Variants in SHTN1 observed in about 807,000 individuals in gnomAD.
The protein encoded by SHTN1 is shootin-1.
In SHTN1, 42 loss-of-function variants were observed where a neutral mutation model predicts 83.1. The ratio of observed to expected loss-of-function variants is 0.51; its 90% CI spans 0.39 to 0.65. SHTN1 has a LOEUF of 0.65. SHTN1 is among the 30% of genes least tolerant of loss of function. The probability of loss-of-function intolerance (pLI) is 0.00; values close to 1 mark genes in which losing one functional copy is unlikely to be tolerated. For missense variants in SHTN1, 622 were observed against 737.8 expected, an observed-to-expected ratio of 0.84 and a Z score of 1.82; for synonymous variants, 224 against 247.7, an observed-to-expected ratio of 0.90 and a Z score of 0.90.
At chr10:117,008,661 G>A (rs1852056493), upstream of SHTN1, among the ~76,000 whole-genome samples, 1 of 152,154 alleles carries the variant, frequency 6.6e-6, no homozygotes, top group African/African-American at 2.4e-5. Context: ...GAGGGAGAAA[G>A]TTGATTGGTG....
At chr10:116,969,363 C>G (rs150547152) in intron 2 of SHTN1, among the ~76,000 whole-genome samples, 1 of 152,056 alleles carries the variant, frequency 6.6e-6, no homozygotes, top group Non-Finnish European at 1.5e-5. Flanking sequence ...ATTGCTTCAA[C>G]CTGGGAGGTG....
At chr10:117,031,056 C>T (rs1852407742) in intron 2 of SHTN1, among the ~76,000 whole-genome samples, 1 of 151,990 alleles carries the variant, frequency 6.6e-6, no homozygotes, top group Non-Finnish European at 1.5e-5. Context: ...TACCTCAAGG[C>T]ATTTAATAAT....
chr10:117,119,998 C>T (rs1316710745), intron 1 of SHTN1, among the ~76,000 whole-genome samples: 3 of 151,950 alleles, frequency 2.0e-5, no homozygotes, highest in Non-Finnish European at 4.4e-5. Context: ...ACTCATGGAG[C>T]TAGAGAGTAG....
At chr10:116,957,062 T>G (rs1850009076) in intron 4 of SHTN1, among the ~76,000 whole-genome samples, 4 of 152,000 alleles carry the variant, frequency 2.6e-5, no homozygotes, top group Admixed American at 2.6e-4. Context: ...GCACTGGGAT[T>G]ACAGGAGTGA....
At chr10:116,931,688 G>A (rs1848974367) in intron 9 of SHTN1, among the ~76,000 whole-genome samples, 1 of 152,108 alleles carries the variant, frequency 6.6e-6, no homozygotes, top group Non-Finnish European at 1.5e-5. Flanking sequence ...ATACTGACAT[G>A]AGAAGATATA....
At chr10:116,944,533 GTAAGTTCT>G (rs1175892745) in intron 8 of SHTN1, among the ~76,000 whole-genome samples, 1 of 152,078 alleles carries the variant, frequency 6.6e-6, no homozygotes, top group African/African-American at 2.4e-5. Flanking sequence ...ATTCAAACTG[GTAAGTTCT>G]TATTCAACCT....
intron 2 of SHTN1, among the ~76,000 whole-genome samples, chr10:117,027,205 G>A (rs1213943045): frequency 6.6e-6 from 1 of 152,176 alleles, no homozygotes; most frequent in Non-Finnish European, 1.5e-5. Context: ...GGGGGGCCTG[G>A]TTGGAGGTGA....
At chr10:116,895,024 G>A (rs545152623) in intron 16 of SHTN1, among the ~76,000 whole-genome samples, 2 of 152,104 alleles carry the variant, frequency 1.3e-5, no homozygotes, top group Non-Finnish European at 2.9e-5. Context: ...AAACTCAAAG[G>A]TGTTAACCAG....
At chr10:116,945,402 T>A (rs751113182) in intron 7 of SHTN1, among the ~76,000 whole-genome samples, 9 of 152,224 alleles carry the variant, frequency 5.9e-5, no homozygotes, top group Non-Finnish European at 1.0e-4. Context: ...ATCAAAATTA[T>A]ATTGTAGAAG....
intron 1 of SHTN1, among the ~76,000 whole-genome samples, chr10:117,002,527 G>A (rs887006903): frequency 1.3e-5 from 2 of 152,152 alleles, no homozygotes; most frequent in Non-Finnish European, 1.5e-5. Context: ...GGTAGTAACA[G>A]GTAGTAAAAA....
At position 116,901,953 on chromosome 10, in the gene SHTN1, T is replaced by G. The variant is rs1183488027; in HGVS notation, c.1485A>C (p.Pro495=). The change falls in exon 16 of 17, where the codon CCA becomes CCC. Residue 495 remains proline (P), a synonymous_variant. Transcript: ENST00000355371. Reference sequence around the variant, plus strand: ...ACTCTGAGGTGGCTAATATCCCAGTTGGACCTTAAAACCAAACACATACCT... The same window carrying G: ...ACTCTGAGGTGGCTAATATCCCAGTGGGACCTTAAAACCAAACACATACCT... ...KVTAEADSSS[P]TGILATSESK... is the part of the protein sequence containing the mutation. The G allele has an allele frequency of 6.3e-7, 1 of 1,596,160 alleles. No individual in the cohort carries two copies. The highest frequency in any genetic ancestry group is 8.5e-7 in the Non-Finnish European group (1 of 1,173,684).
At chr10:116,912,399 C>T (rs1455340005) in intron 13 of SHTN1, among the ~76,000 whole-genome samples, 3 of 152,286 alleles carry the variant, frequency 2.0e-5, no homozygotes, top group Admixed American at 2.0e-4. Context: ...AACCTGGCTA[C>T]AGGAGAAAGT....
At chr10:117,010,851 A>C (rs1589894485) in intron 2 of SHTN1, among the ~76,000 whole-genome samples, 1 of 152,216 alleles carries the variant, frequency 6.6e-6, no homozygotes, top group Admixed American at 6.5e-5. Flanking sequence ...GAGACAGAAA[A>C]GGCATTTGAC....
chr10:116,988,307 T>TAC (rs372435695), intron 1 of SHTN1, among the ~76,000 whole-genome samples: 3,113 of 148,322 alleles, frequency 0.021, 32 homozygotes, highest in Non-Finnish European at 0.028. Context: ...AAAAAGCTAA[T>TAC]ACACACACAC....
intron 1 of SHTN1, among the ~76,000 whole-genome samples, chr10:117,065,328 A>T (rs1299170622): frequency 2.6e-5 from 4 of 152,196 alleles, no homozygotes; most frequent in Non-Finnish European, 5.9e-5. Context: ...TAACATTAAA[A>T]AACAAGAAAA....
intron 2 of SHTN1, among the ~76,000 whole-genome samples, chr10:117,013,113 T>C (rs898820453): frequency 2.0e-5 from 3 of 152,060 alleles, no homozygotes; most frequent in Non-Finnish European, 4.4e-5. Context: ...TTAAAATAAG[T>C]CAAAAGTAAA....
At position 117,013,064 on chromosome 10, in the gene SHTN1, C is replaced by A. The variant is rs560147280; in HGVS notation, c.-122-33756G>T. On this transcript the variant is annotated intron_variant, in intron 2 of 17. Transcript: ENST00000392901. Reference sequence around the variant, plus strand: ...CAGCTTGGGCAACAGAACAAGACCCCATCTCTAAAAACTATATAAATTTTT... The same window carrying A: ...CAGCTTGGGCAACAGAACAAGACCCAATCTCTAAAAACTATATAAATTTTT... Among the ~76,000 whole-genome samples, 395 of 151,924 alleles carry A rather than the reference C, an allele frequency of 2.6e-3. 1 individual carries two copies. Among genetic ancestry groups the A allele is most frequent in the Non-Finnish European group, 4.4e-3 (297 of 67,952 alleles).
intron 1 of SHTN1, among the ~76,000 whole-genome samples, chr10:117,002,236 T>C (rs1360668732): frequency 1.3e-5 from 2 of 152,224 alleles, no homozygotes; most frequent in Non-Finnish European, 2.9e-5. Context: ...AAAGTAATTG[T>C]ACATTTATTC....
intron 1 of SHTN1, among the ~76,000 whole-genome samples, chr10:116,990,055 A>G (rs1278000194): frequency 1.3e-5 from 2 of 152,118 alleles, no homozygotes; most frequent in African/African-American, 2.4e-5. Context: ...AGCTCTCCCA[A>G]ATCTCTACCT....
Sources: gnomAD v4.1 joint callset for allele counts (sites outside exome capture counted in the v4.1 genomes callset) on GRCh38, gnomAD v4.1.1 for gene constraint, MANE v1.5 for transcripts, NCBI Gene and HGNC (gene_info 2026-07-23, HGNC 2026-07-21) for gene names.